The following SHANK2 variants were observed in gnomAD, a reference collection of about 807,000 sequenced individuals.
SHANK2 encodes the protein SH3 and multiple ankyrin repeat domains 2.
In SHANK2, 43 loss-of-function variants were observed where a neutral mutation model predicts 133.7. The ratio of observed to expected loss-of-function variants is 0.32; its 90% CI spans 0.25 to 0.41. The LOEUF (loss-of-function observed/expected upper bound fraction) is 0.41, where lower values mean the gene tolerates loss of function less well. SHANK2 is among the 10% of genes least tolerant of loss of function. SHANK2 has a pLI of 1.00. For missense variants in SHANK2, 1,994 were observed against 2,235.8 expected (o/e 0.89, Z 2.18); for synonymous variants, 1,017 against 952.8 (o/e 1.07, Z -1.24).
intron 12 of SHANK2, among the ~76,000 whole-genome samples, chr11:70,818,892 C>T (rs1008999608): frequency 3.9e-5 from 6 of 152,210 alleles, no homozygotes; most frequent in African/African-American, 1.4e-4. Flanking sequence ...GGTGATCAGC[C>T]CCTCCTGGGA....
chr11:70,942,483 C>G, intron 10 of SHANK2: 7 of 452,948 alleles, frequency 1.5e-5, no homozygotes, highest in South Asian at 9.4e-5. Flanking sequence ...CATGAGGGAT[C>G]TGCCCCAGAA....
At chr11:71,068,554 A>T (rs1951099295) in intron 9 of SHANK2, among the ~76,000 whole-genome samples, 1 of 152,242 alleles carries the variant, frequency 6.6e-6, no homozygotes, top group African/African-American at 2.4e-5. Context: ...ATTAGATGCC[A>T]TAGTGACTTT....
At chr11:71,159,263 G>A (rs1952963632) in intron 2 of SHANK2, among the ~76,000 whole-genome samples, 1 of 152,180 alleles carries the variant, frequency 6.6e-6, no homozygotes, top group South Asian at 2.1e-4. Flanking sequence ...CCTGTACTCT[G>A]ACACTCATGG....
chr11:71,069,342 T>C (rs984706473), intron 9 of SHANK2, among the ~76,000 whole-genome samples: 1 of 150,990 alleles, frequency 6.6e-6, no homozygotes, highest in Non-Finnish European at 1.5e-5. Context: ...CATCACCACC[T>C]TCATCATTGC....
At chr11:70,495,274 A>G (rs2058952879) in intron 21 of SHANK2, among the ~76,000 whole-genome samples, 1 of 152,118 alleles carries the variant, frequency 6.6e-6, no homozygotes, top group Admixed American at 6.5e-5. Context: ...GCTTCCTCCA[A>G]GGAGCCTTTC....
chr11:70,677,332 T>C (rs782384080), intron 15 of SHANK2, among the ~76,000 whole-genome samples: 53 of 152,218 alleles, frequency 3.5e-4, no homozygotes, highest in Admixed American at 2.2e-3. Flanking sequence ...TGCATCCAGC[T>C]GAGCGGCCAA....
intron 21 of SHANK2, among the ~76,000 whole-genome samples, chr11:70,496,811 G>A (rs1043812251): frequency 6.6e-5 from 10 of 152,174 alleles, no homozygotes; most frequent in Admixed American, 3.9e-4. Flanking sequence ...GTTTGGAAAT[G>A]GTTGGGGTCA....
chr11:70,940,635 G>A (rs1160705520), intron 10 of SHANK2, among the ~76,000 whole-genome samples: 3 of 151,878 alleles, frequency 2.0e-5, no homozygotes, highest in East Asian at 1.9e-4. Context: ...CCCCAGAACC[G>A]ACTCAATTTT....
chr11:71,225,356 T>C (rs2135745398), intron 1 of SHANK2, among the ~76,000 whole-genome samples: 1 of 152,130 alleles, frequency 6.6e-6, no homozygotes, highest in South Asian at 2.1e-4. Flanking sequence ...TGGCATCAAA[T>C]AGAGCAACGG....
intron 10 of SHANK2, among the ~76,000 whole-genome samples, chr11:70,950,613 AT>A (rs374317006): frequency 1.0e-4 from 15 of 146,898 alleles, no homozygotes; most frequent in East Asian, 2.1e-4. Context: ...TTTCAACACA[AT>A]TTTTTTTTTC....
intron 11 of SHANK2, among the ~76,000 whole-genome samples, chr11:70,824,544 G>C (rs899352160): frequency 6.6e-6 from 1 of 152,156 alleles, no homozygotes; most frequent in African/African-American, 2.4e-5. Flanking sequence ...GGCACTCTCC[G>C]TGGACATCTC....
At chr11:71,083,988 G>T (rs1741875960) in intron 8 of SHANK2, among the ~76,000 whole-genome samples, 2 of 149,800 alleles carry the variant, frequency 1.3e-5, no homozygotes, top group Non-Finnish European at 3.0e-5. Flanking sequence ...TTGGGGGGGG[G>T]AGACAGAGTC....
chr11:70,899,212 G>C (rs1555076314), intron 10 of SHANK2, among the ~76,000 whole-genome samples: 1 of 152,156 alleles, frequency 6.6e-6, no homozygotes, highest in Non-Finnish European at 1.5e-5. Context: ...GGACCCGGCG[G>C]GAGGTAACTG....
intron 17 of SHANK2, among the ~76,000 whole-genome samples, chr11:70,520,191 CA>C (rs2059313954): frequency 6.6e-6 from 1 of 152,182 alleles, no homozygotes. Flanking sequence ...GGACATTTGT[CA>C]CAATTAATAA....
At chr11:71,246,802 A>G (rs905332686) in intron 1 of SHANK2, among the ~76,000 whole-genome samples, 23 of 152,300 alleles carry the variant, frequency 1.5e-4, no homozygotes, top group African/African-American at 5.3e-4. Flanking sequence ...AAAAGGGCTA[A>G]TGCAACTAGG....
At chr11:71,172,375 G>A (rs1371053842) in intron 2 of SHANK2, among the ~76,000 whole-genome samples, 2 of 151,930 alleles carry the variant, frequency 1.3e-5, no homozygotes, top group Non-Finnish European at 1.5e-5. Context: ...ACTTGCGAGC[G>A]AATCACAAGG....
chr11:71,152,612 G>A (rs1393959157), intron 2 of SHANK2, among the ~76,000 whole-genome samples: 4 of 152,196 alleles, frequency 2.6e-5, no homozygotes, highest in Admixed American at 1.3e-4. Flanking sequence ...CCGGCTCTGG[G>A]GGTGATGGTC....
intron 1 of SHANK2, among the ~76,000 whole-genome samples, chr11:71,245,062 C>T (rs1000691386): frequency 1.3e-5 from 2 of 151,986 alleles, no homozygotes; most frequent in African/African-American, 4.8e-5. Flanking sequence ...CTCACTGCAA[C>T]ATCGACCTCT....
At chr11:70,573,177 AG>A (rs2060067972) in intron 17 of SHANK2, among the ~76,000 whole-genome samples, 1 of 144,032 alleles carries the variant, frequency 6.9e-6, no homozygotes, top group African/African-American at 2.6e-5. Context: ...GATGTTCTAG[AG>A]GGTGCAGGCT....
Sources: allele counts gnomAD v4.1 joint callset (sites outside exome capture counted in the v4.1 genomes callset), GRCh38; gene constraint gnomAD v4.1.1; transcripts MANE v1.5; gene names NCBI Gene and HGNC (gene_info 2026-07-23, HGNC 2026-07-21).